Variants in IGF2BP2 observed in about 807,000 individuals in gnomAD.
IGF2BP2 encodes insulin like growth factor 2 mRNA binding protein 2.
IGF2BP2 carries 17 observed loss-of-function variants against 75.8 expected under a neutral mutation model. The ratio of observed to expected loss-of-function variants is 0.22; its 90% CI spans 0.15 to 0.34. IGF2BP2 has a LOEUF of 0.34. Ranked by LOEUF, IGF2BP2 falls within the 10% of genes least tolerant of loss-of-function variation. IGF2BP2 has a pLI of 1.00. For synonymous variants in IGF2BP2, 288 were observed against 295.6 expected, an observed-to-expected ratio of 0.97 and a Z score of 0.26; for missense variants, 516 against 772.4, an observed-to-expected ratio of 0.67 and a Z score of 3.93.
chr3:185,732,751 T>A (rs967147926), intron 2 of IGF2BP2, among the ~76,000 whole-genome samples: 6 of 152,228 alleles, frequency 3.9e-5, no homozygotes, highest in African/African-American at 1.4e-4. Context: ...AACTGCTACA[T>A]GACCAAGGAC....
chr3:185,677,068 T>TATATATAGAGAG, intron 7 of IGF2BP2, among the ~76,000 whole-genome samples: 28 of 35,854 alleles, frequency 7.8e-4, no homozygotes, highest in East Asian at 2.1e-3. Context: ...TATATATATA[T>TATATATAGAGAG]AGAGAGAGAG....
chr3:185,788,710 C>CTTTTTT (rs1158869748), intron 2 of IGF2BP2, among the ~76,000 whole-genome samples: 1 of 100,222 alleles, frequency 1.0e-5, no homozygotes, highest in Non-Finnish European at 1.9e-5. Context: ...TGACAAACGA[C>CTTTTTT]TTTTTTTTTT....
In IGF2BP2 at chr3:185,671,115, G is replaced by A. The variant is rs139257691; in HGVS notation, c.1200+1426C>T. On this transcript the variant is annotated intron_variant, in intron 10 of 15. Coordinates refer to ENST00000382199, the MANE Select transcript of IGF2BP2 (RefSeq NM_006548.6). ...TCCCAAGCTATTCTTACTGCTTGGC[G>A]CAGCCATGTGACTGACAGCTGCCAC... Among the ~76,000 whole-genome samples, 7 of 152,270 alleles carry A rather than the reference G, an allele frequency of 4.6e-5. No homozygotes were observed. The East Asian group carries it at 7.7e-4, about 17-fold the overall frequency.
At chr3:185,815,922 T>A (rs1206278960) in intron 2 of IGF2BP2, among the ~76,000 whole-genome samples, 5 of 152,214 alleles carry the variant, frequency 3.3e-5, no homozygotes, top group African/African-American at 1.2e-4. Flanking sequence ...CAGAACTTTA[T>A]GGATACTATC....
chr3:185,724,404 C>T (rs903752936), intron 2 of IGF2BP2: 1 of 152,196 alleles, frequency 6.6e-6, no homozygotes. Context: ...TAACTGCTAT[C>T]CCTTTTTTCC....
chr3:185,718,458 C>G (rs768422471), intron 2 of IGF2BP2, among the ~76,000 whole-genome samples: 2 of 152,024 alleles, frequency 1.3e-5, no homozygotes, highest in African/African-American at 4.8e-5. Flanking sequence ...GAGGCCGAGG[C>G]GGGCAGATCA....
chr3:185,666,960 A>G (rs961396541), intron 10 of IGF2BP2, among the ~76,000 whole-genome samples: 2 of 152,202 alleles, frequency 1.3e-5, no homozygotes, highest in Non-Finnish European at 2.9e-5. Context: ...CAAGCATAGT[A>G]AAAGTTGGCC....
chr3:185,759,634 G>A (rs1732090527), intron 2 of IGF2BP2, among the ~76,000 whole-genome samples: 1 of 152,200 alleles, frequency 6.6e-6, no homozygotes, highest in South Asian at 2.1e-4. Flanking sequence ...GCACACGGAA[G>A]GCTGAAAAAG....
intron 2 of IGF2BP2, among the ~76,000 whole-genome samples, chr3:185,764,716 A>G (rs1374616320): frequency 1.6e-4 from 25 of 152,340 alleles, no homozygotes; most frequent in Non-Finnish European, 5.9e-5. Flanking sequence ...ATATTACGAT[A>G]AAACAGCTCA....
intron 2 of IGF2BP2, among the ~76,000 whole-genome samples, chr3:185,734,973 C>G (rs1415220608): frequency 6.6e-6 from 1 of 152,058 alleles, no homozygotes; most frequent in Non-Finnish European, 1.5e-5. Flanking sequence ...GCGAAGACAG[C>G]GTTGTAACAT....
At chr3:185,793,632 AAGAG>A (rs1261687011) in intron 2 of IGF2BP2, among the ~76,000 whole-genome samples, 1 of 152,206 alleles carries the variant, frequency 6.6e-6, no homozygotes, top group Non-Finnish European at 1.5e-5. Flanking sequence ...CAGCCTAGGT[AAGAG>A]AGACTCTTTT....
chr3:185,716,618 C>G (rs1287740911), intron 2 of IGF2BP2: 1 of 520,018 alleles, frequency 1.9e-6, no homozygotes, highest in East Asian at 5.4e-5. Context: ...TCTTCGGGGG[C>G]AGGTAGGGAA....
chr3:185,739,610 C>A (rs1729277295), intron 2 of IGF2BP2, among the ~76,000 whole-genome samples: 1 of 152,062 alleles, frequency 6.6e-6, no homozygotes, highest in Non-Finnish European at 1.5e-5. Context: ...AGGACAGATT[C>A]TCTAGTCAGG....
In IGF2BP2 at chr3:185,644,331, G is replaced by T. The variant is rs78296568; in HGVS notation, c.*1200C>A. 1 of 151,810 alleles carries T rather than the reference G, an allele frequency of 6.6e-6. No individual in the cohort carries two copies. Among genetic ancestry groups the T allele is most frequent in the African/African-American group, 2.4e-5 (1 of 41,168 alleles). 9.4% of individuals were successfully genotyped at this position (151,810 alleles called of 1,614,324 possible). A position where few individuals can be genotyped will look rare whatever the true frequency, so the allele number is the denominator to read the frequency against. On this transcript the variant is annotated 3_prime_UTR_variant, in exon 16 of 16. Transcript: ENST00000382199. ...TTCCTCCACATTTTTTTTTTTTAAA[G>T]AAAGGAATCATTTTGCTGAATATTG...
intron 2 of IGF2BP2, among the ~76,000 whole-genome samples, chr3:185,715,647 C>CT (rs1170864055): frequency 5.3e-5 from 8 of 151,722 alleles, no homozygotes; most frequent in Admixed American, 1.3e-4. Context: ...TTCTTTCTTT[C>CT]TTTCTTTTTT....
At chr3:185,688,712 A>T (rs1182755369) in intron 6 of IGF2BP2, among the ~76,000 whole-genome samples, 1 of 152,186 alleles carries the variant, frequency 6.6e-6, no homozygotes, top group Admixed American at 6.5e-5. Flanking sequence ...CATCTTTTCC[A>T]AGATCACAAA....
chr3:185,662,543 CTTTTTTTTTTT>C (rs1172808795), intron 10 of IGF2BP2, among the ~76,000 whole-genome samples: 14 of 112,628 alleles, frequency 1.2e-4, no homozygotes, highest in African/African-American at 4.8e-4. Context: ...CCTTCCCATA[CTTTTTTTTTTT>C]TTTTTTTTTA....
intron 10 of IGF2BP2, among the ~76,000 whole-genome samples, chr3:185,668,616 A>G (rs892558452): frequency 6.7e-6 from 1 of 149,720 alleles, no homozygotes; most frequent in Non-Finnish European, 1.5e-5. Flanking sequence ...ATTGTTCACT[A>G]TAAATGAACA....
At position 185,690,138 on chromosome 3, in the gene IGF2BP2, C is replaced by T. The variant is rs989550260; in HGVS notation, c.405-511G>A. ...TTAACAGTTAAACAAGTAATCACAA[C>T]GCATCAGCCTGGTCAGGCTTCATAT... On this transcript the variant is annotated intron_variant, in intron 5 of 15. Transcript: ENST00000382199. Among the ~76,000 whole-genome samples the T allele has an allele frequency of 2.2e-4, 34 of 152,162 alleles. 1 individual carries two copies. The highest frequency in any genetic ancestry group is 3.9e-4 in the East Asian group (2 of 5,192).
Sources: allele counts gnomAD v4.1 joint callset (sites outside exome capture counted in the v4.1 genomes callset), GRCh38; gene constraint gnomAD v4.1.1; transcripts MANE v1.5; gene names NCBI Gene and HGNC (gene_info 2026-07-23, HGNC 2026-07-21).